Variants in PAMR1 observed in about 807,000 individuals in gnomAD.
The protein encoded by PAMR1 is inactive serine protease PAMR1.
PAMR1 carries 88 observed loss-of-function variants against 81.8 expected under a neutral mutation model. The observed-to-expected ratio is 1.08, with a 90% CI of 0.91 to 1.28. The LOEUF is 1.28. Ranked by LOEUF, PAMR1 falls within the 50% of genes most tolerant of loss-of-function variation. The pLI, the probability that PAMR1 is intolerant of heterozygous loss-of-function variation, is 0.00. For synonymous variants in PAMR1, 336 were observed against 345.3 expected (o/e 0.97, Z 0.30); for missense variants, 935 against 919.7 (o/e 1.02, Z -0.21).
chr11:35,515,333 C>T (rs10734439), intron 1 of PAMR1, among the ~76,000 whole-genome samples: 53,349 of 152,008 alleles, frequency 0.35, 9,820 homozygotes, highest in East Asian at 0.62. Flanking sequence ...ATTTTCTGTC[C>T]ACCAAAGGCA....
chr11:35,488,028 C>T (rs1045743322), intron 3 of PAMR1, among the ~76,000 whole-genome samples: 1 of 152,092 alleles, frequency 6.6e-6, no homozygotes, highest in African/African-American at 2.4e-5. Flanking sequence ...AGGAAGCTCC[C>T]TCTCCTTTAA....
chr11:35,528,076 C>T (rs1281510537), upstream of PAMR1, among the ~76,000 whole-genome samples: 3 of 152,068 alleles, frequency 2.0e-5, no homozygotes, highest in Admixed American at 6.5e-5. Context: ...AATTGCATCC[C>T]CCTGACAGAA....
intron 6 of PAMR1, among the ~76,000 whole-genome samples, chr11:35,457,485 T>A (rs1370320436): frequency 7.2e-6 from 1 of 138,496 alleles, no homozygotes. Context: ...GCCAATACTT[T>A]GTGTGTATGT....
intron 1 of PAMR1, among the ~76,000 whole-genome samples, chr11:35,508,001 T>C (rs1851001898): frequency 6.6e-6 from 1 of 152,220 alleles, no homozygotes; most frequent in Admixed American, 6.5e-5. Flanking sequence ...TCCTGCAGCA[T>C]AGTGCCACTG....
At chr11:35,523,775 T>C (rs1339463883) in intron 1 of PAMR1, among the ~76,000 whole-genome samples, 4 of 152,162 alleles carry the variant, frequency 2.6e-5, no homozygotes, top group Non-Finnish European at 4.4e-5. Flanking sequence ...AACTAAAATA[T>C]CCTTGCTAAA....
chr11:35,482,408 C>T (rs1850413217), intron 3 of PAMR1, among the ~76,000 whole-genome samples: 1 of 152,086 alleles, frequency 6.6e-6, no homozygotes, highest in Admixed American at 6.6e-5. Context: ...TCTGTTTTGG[C>T]ACCAGTACCA....
intron 1 of PAMR1, among the ~76,000 whole-genome samples, chr11:35,505,146 G>A (rs1850927502): frequency 6.6e-6 from 1 of 151,944 alleles, no homozygotes; most frequent in Non-Finnish European, 1.5e-5. Flanking sequence ...TAATTTCCAT[G>A]TATTTGCATA....
At chr11:35,470,486 G>T in intron 5 of PAMR1, 115 bp downstream of exon 5, 1 of 799,416 alleles carries the variant, frequency 1.3e-6, no homozygotes. Flanking sequence ...CTGTTTCTAA[G>T]AACACAGCCT....
At chr11:35,488,218 TTTTGA>T (rs888130639) in intron 3 of PAMR1, among the ~76,000 whole-genome samples, 6 of 149,086 alleles carry the variant, frequency 4.0e-5, no homozygotes, top group African/African-American at 1.5e-4. Context: ...TTTTTTTTTT[TTTTGA>T]GAGAGAGACA....
intron 8 of PAMR1, among the ~76,000 whole-genome samples, chr11:35,437,054 G>A (rs955476354): frequency 2.0e-5 from 3 of 152,130 alleles, no homozygotes; most frequent in East Asian, 1.9e-4. Context: ...CTCTCAGGGC[G>A]CATTGATCGG....
intron 1 of PAMR1, among the ~76,000 whole-genome samples, chr11:35,503,247 A>G (rs1184432923): frequency 2.0e-5 from 3 of 147,754 alleles, no homozygotes; most frequent in Non-Finnish European, 4.5e-5. Context: ...ACAGCTTTGT[A>G]GTGTACTTTG....
intron 1 of PAMR1, among the ~76,000 whole-genome samples, chr11:35,505,767 A>T (rs1850937913): frequency 6.6e-6 from 1 of 152,098 alleles, no homozygotes; most frequent in African/African-American, 2.4e-5. Flanking sequence ...GGTTTCTTGT[A>T]GGCAGCATAT....
chr11:35,515,488 T>C (rs986870500), intron 1 of PAMR1, among the ~76,000 whole-genome samples: 2 of 152,234 alleles, frequency 1.3e-5, no homozygotes, highest in African/African-American at 2.4e-5. Flanking sequence ...CCCCCAGCTC[T>C]GCAAGCTAGA....
chr11:35,510,654 A>G (rs1851055720), intron 1 of PAMR1, among the ~76,000 whole-genome samples: 1 of 152,226 alleles, frequency 6.6e-6, no homozygotes, highest in African/African-American at 2.4e-5. Flanking sequence ...AGGTATTAAC[A>G]AATGTATAAA....
In PAMR1 at chr11:35,432,744, T is replaced by C. The variant is rs1855940877; in HGVS notation, c.1775A>G (p.Gln592Arg). The change falls in exon 11 of 11, where the codon CAG (glutamine) becomes CGG (arginine). Residue 592 changes from glutamine (Q) to arginine (R), a missense_variant. By Grantham distance (43) the Gln-to-Arg change is conservative. Coordinates refer to ENST00000619888, the MANE Select transcript of PAMR1 (RefSeq NM_001001991.3). ...GCCAGCCACAGTGATGTGGGACTCC[T>C]GGAAGGAAGTGCTGAGATCCCGACT... ...AASRDLSTSF[Q>R]ESHITVAGWN... The C allele has an allele frequency of 6.2e-6, 10 of 1,614,008 alleles. No individual in the cohort carries two copies. Among genetic ancestry groups the C allele is most frequent in the Non-Finnish European group, 8.5e-6 (10 of 1,180,010 alleles).
chr11:35,498,151 G>T (rs1337302533), intron 1 of PAMR1, among the ~76,000 whole-genome samples: 1 of 152,190 alleles, frequency 6.6e-6, no homozygotes, highest in Non-Finnish European at 1.5e-5. Flanking sequence ...ATGTGGTATA[G>T]CCCATTATTC....
intron 6 of PAMR1, among the ~76,000 whole-genome samples, chr11:35,453,906 C>A (rs1175958006): frequency 6.6e-6 from 1 of 152,160 alleles, no homozygotes; most frequent in African/African-American, 2.4e-5. Context: ...CAGGACTCAT[C>A]CTGGAGACAG....
intron 1 of PAMR1, among the ~76,000 whole-genome samples, chr11:35,498,749 T>C (rs1462994056): frequency 6.6e-6 from 1 of 152,128 alleles, no homozygotes; most frequent in Non-Finnish European, 1.5e-5. Flanking sequence ...ACCACCAAGC[T>C]CTGGCCCACC....
chr11:35,497,131 A>G (rs1850740780), intron 1 of PAMR1, among the ~76,000 whole-genome samples: 1 of 152,210 alleles, frequency 6.6e-6, no homozygotes, highest in South Asian at 2.1e-4. Context: ...GTGTCATTGG[A>G]CACCAGCCTG....
Sources: allele counts gnomAD v4.1 joint callset (sites outside exome capture counted in the v4.1 genomes callset), GRCh38; gene constraint gnomAD v4.1.1; transcripts MANE v1.5; gene names NCBI Gene and HGNC (gene_info 2026-07-23, HGNC 2026-07-21).